EIF3H: variants seen among roughly 807,000 people sequenced by gnomAD.
EIF3H encodes the protein eukaryotic translation initiation factor 3 subunit H.
A neutral mutation model predicts 44.2 loss-of-function variants in EIF3H; 26 were observed. That is an observed-to-expected ratio of 0.59 (90% CI 0.43 to 0.82). The LOEUF (loss-of-function observed/expected upper bound fraction) is 0.82, where lower values mean the gene tolerates loss of function less well. EIF3H is among the 40% of genes least tolerant of loss of function. The pLI is 0.00. For missense variants in EIF3H, 359 were observed against 432.8 expected (o/e 0.83, Z 1.51); for synonymous variants, 166 against 151.9 (o/e 1.09, Z -0.68).
chr8:116,649,873 G>C (rs77491711), intron 5 of EIF3H, among the ~76,000 whole-genome samples: 1 of 152,136 alleles, frequency 6.6e-6, no homozygotes, highest in Non-Finnish European at 1.5e-5. Flanking sequence ...ATGACAGACT[G>C]AAAGTGAAAG....
At chr8:116,705,740 T>A (rs1814458762) in intron 2 of EIF3H, among the ~76,000 whole-genome samples, 1 of 152,126 alleles carries the variant, frequency 6.6e-6, no homozygotes, top group South Asian at 2.1e-4. Flanking sequence ...CAACGTGGTA[T>A]TCTAGACTGG....
intron 2 of EIF3H, among the ~76,000 whole-genome samples, chr8:116,709,488 T>C (rs753837851): frequency 6.6e-6 from 1 of 152,210 alleles, no homozygotes; most frequent in Admixed American, 6.5e-5. Flanking sequence ...AAGGTAACCA[T>C]ATGCACGTAT....
At chr8:116,752,725 AAAGAAAG>A (rs1392616069) in intron 1 of EIF3H, among the ~76,000 whole-genome samples, 5 of 135,372 alleles carry the variant, frequency 3.7e-5, no homozygotes, top group African/African-American at 5.3e-5. Context: ...AGAAAGAAAG[AAAGAAAG>A]AAGAGAAAGA....
intron 2 of EIF3H, among the ~76,000 whole-genome samples, chr8:116,704,064 C>T (rs776797822): frequency 1.3e-5 from 2 of 152,162 alleles, no homozygotes; most frequent in East Asian, 3.9e-4. Flanking sequence ...AGATAAAAAC[C>T]GTTCCACATA....
At chr8:116,718,801 A>G (rs548320173) in intron 2 of EIF3H, among the ~76,000 whole-genome samples, 1 of 152,126 alleles carries the variant, frequency 6.6e-6, no homozygotes, top group Non-Finnish European at 1.5e-5. Context: ...TGATGGGTGA[A>G]CCAAAATCTC....
intron 2 of EIF3H, among the ~76,000 whole-genome samples, chr8:116,662,326 A>C (rs1813597490): frequency 6.6e-6 from 1 of 152,148 alleles, no homozygotes; most frequent in African/African-American, 2.4e-5. Flanking sequence ...AACAAACTGC[A>C]AGTGAGTCTT....
At chr8:116,727,238 G>A (rs1204138198) in intron 1 of EIF3H, among the ~76,000 whole-genome samples, 4 of 152,152 alleles carry the variant, frequency 2.6e-5, no homozygotes, top group Admixed American at 6.5e-5. Context: ...GAATCAATGC[G>A]GTTGTCAGCT....
Position 116,660,302 on chromosome 8 carries a change from G to C in EIF3H, c.290-1322C>G, listed in dbSNP as rs143941751. ...TTACTCAGGTTTTAGCAAAAGAAAA[G>C]TTATATATCTGTCATTCTTTTGGTT... On this transcript the variant is annotated intron_variant, in intron 2 of 7. Coordinates refer to ENST00000521861, the MANE Select transcript of EIF3H (RefSeq NM_003756.3). 5.3e-5 allele frequency among the ~76,000 whole-genome samples: 8 copies of C among 152,248 alleles called. No individual in the cohort carries two copies. In the East Asian group the frequency reaches 1.5e-3, roughly 29 times the overall value.
chr8:116,724,634 T>C (rs1425749108), intron 2 of EIF3H, among the ~76,000 whole-genome samples: 1 of 151,940 alleles, frequency 6.6e-6, no homozygotes, highest in South Asian at 2.1e-4. Flanking sequence ...AGCAAAGGAC[T>C]TGAATAGACA....
rs1299513797 is a variant in EIF3H, at chr8:116,645,123, A to G, written c.962-20T>C. On this transcript the variant is annotated intron_variant, in intron 7 of 7. Coordinates refer to ENST00000521861, the MANE Select transcript of EIF3H (RefSeq NM_003756.3). ...TCTGGCCTGTGCATTTGAGAAAGAGATAGAGCCATAATGTTCCACAAATTG... is the reference window on the plus strand; with the variant it reads ...TCTGGCCTGTGCATTTGAGAAAGAGGTAGAGCCATAATGTTCCACAAATTG... The G allele has an allele frequency of 6.3e-7, 1 of 1,579,546 alleles. No homozygotes were observed. The highest frequency in any genetic ancestry group is 2.2e-5 in the East Asian group (1 of 44,668).
intron 1 of EIF3H, among the ~76,000 whole-genome samples, chr8:116,740,419 A>G (rs976668013): frequency 6.6e-6 from 1 of 152,170 alleles, no homozygotes; most frequent in South Asian, 2.1e-4. Context: ...GATGACAGGC[A>G]TACTCCTCCA....
intron 1 of EIF3H, chr8:116,734,456 GA>G: frequency 4.5e-6 from 2 of 448,156 alleles, no homozygotes; most frequent in Admixed American, 2.4e-5. Context: ...TTTAGGGGAA[GA>G]AAAAGGCCTC....
At chr8:116,738,517 G>T (rs1563658233) in intron 1 of EIF3H, among the ~76,000 whole-genome samples, 2 of 149,034 alleles carry the variant, frequency 1.3e-5, no homozygotes, top group African/African-American at 5.0e-5. Context: ...ACATAAAGAG[G>T]TAACTAACGT....
chr8:116,747,425 G>A (rs1382169069), intron 1 of EIF3H, among the ~76,000 whole-genome samples: 2 of 152,128 alleles, frequency 1.3e-5, no homozygotes, highest in African/African-American at 4.8e-5. Flanking sequence ...CATGTTCTCT[G>A]ACTAAAGCAG....
At chr8:116,686,010 C>T (rs1331620763) in intron 2 of EIF3H, among the ~76,000 whole-genome samples, 1 of 152,114 alleles carries the variant, frequency 6.6e-6, no homozygotes, top group African/African-American at 2.4e-5. Flanking sequence ...CAGCTACTTC[C>T]ATTAGTACCC....
chr8:116,654,408 T>C (rs921950345), intron 5 of EIF3H, among the ~76,000 whole-genome samples: 1 of 152,178 alleles, frequency 6.6e-6, no homozygotes, highest in African/African-American at 2.4e-5. Flanking sequence ...GTATGCTCAA[T>C]AAAGGCAGCC....
At chr8:116,667,019 C>CT in intron 2 of EIF3H, among the ~76,000 whole-genome samples, 1 of 152,306 alleles carries the variant, frequency 6.6e-6, no homozygotes, top group South Asian at 2.1e-4. Flanking sequence ...CTTGAGGTAG[C>CT]TTGCATTAAA....
intron 2 of EIF3H, among the ~76,000 whole-genome samples, chr8:116,689,979 A>G (rs958650877): frequency 2.6e-5 from 4 of 152,190 alleles, no homozygotes; most frequent in African/African-American, 7.2e-5. Context: ...CCCATATATA[A>G]TAACATATTC....
At chr8:116,684,112 G>T (rs999290611) in intron 2 of EIF3H, among the ~76,000 whole-genome samples, 1 of 152,264 alleles carries the variant, frequency 6.6e-6, no homozygotes, top group Non-Finnish European at 1.5e-5. Context: ...TTCCATTTCT[G>T]CAAAAAGAAC....
Sources: gnomAD v4.1 joint callset for allele counts (sites outside exome capture counted in the v4.1 genomes callset) on GRCh38, gnomAD v4.1.1 for gene constraint, MANE v1.5 for transcripts, NCBI Gene and HGNC (gene_info 2026-07-23, HGNC 2026-07-21) for gene names.